GRID2: variants seen among roughly 807,000 people sequenced by gnomAD.
GRID2 encodes glutamate receptor ionotropic, delta-2.
GRID2 carries 33 observed loss-of-function variants against 114.8 expected under a neutral mutation model. The observed-to-expected ratio is 0.29, with a 90% CI of 0.22 to 0.38. The LOEUF (loss-of-function observed/expected upper bound fraction) is 0.38. GRID2 is among the 10% of genes least tolerant of loss of function. The pLI is 1.00. For missense variants in GRID2, 1,184 were observed against 1,257.7 expected (o/e 0.94, Z 0.89); for synonymous variants, 505 against 449.9 (o/e 1.12, Z -1.55).
chr4:93,191,737 G>T (rs1449207692), intron 4 of GRID2, among the ~76,000 whole-genome samples: 4 of 152,024 alleles, frequency 2.6e-5, no homozygotes, highest in Non-Finnish European at 4.4e-5. Flanking sequence ...AGCCCAATCT[G>T]CCCTGCCATA....
intron 3 of GRID2, among the ~76,000 whole-genome samples, chr4:93,092,809 C>T (rs1203142711): frequency 1.3e-5 from 2 of 151,866 alleles, no homozygotes. Flanking sequence ...GACAACAGAT[C>T]AGCAGTCATA....
intron 2 of GRID2, among the ~76,000 whole-genome samples, chr4:92,997,191 A>G (rs1755253963): frequency 6.6e-6 from 1 of 152,184 alleles, no homozygotes; most frequent in Non-Finnish European, 1.5e-5. Context: ...CACTACCACA[A>G]CAAAATCATT....
At chr4:93,535,025 C>G (rs1411318747) in intron 13 of GRID2, among the ~76,000 whole-genome samples, 2 of 151,828 alleles carry the variant, frequency 1.3e-5, no homozygotes, top group African/African-American at 2.4e-5. Flanking sequence ...CATTCCTCAC[C>G]TCCACCCCAG....
chr4:93,316,283 C>CGAAAGAATGAAAGAAA (rs1382874932), intron 8 of GRID2, among the ~76,000 whole-genome samples: 2 of 97,686 alleles, frequency 2.0e-5, no homozygotes, highest in Non-Finnish European at 4.4e-5. Context: ...AAGAAAAGAA[C>CGAAAGAATGAAAGAAA]GAAAGAACGA....
At chr4:92,399,557 G>A (rs1216765229) in intron 1 of GRID2, among the ~76,000 whole-genome samples, 5 of 151,280 alleles carry the variant, frequency 3.3e-5, no homozygotes, top group African/African-American at 1.2e-4. Flanking sequence ...ATTTAGTTTT[G>A]AAGCTTTATA....
At chr4:92,390,051 T>TA (rs1208078901) in intron 1 of GRID2, among the ~76,000 whole-genome samples, 1 of 152,098 alleles carries the variant, frequency 6.6e-6, no homozygotes, top group African/African-American at 2.4e-5. Context: ...AGTCCTCTTT[T>TA]AAAAAAATCT....
intron 1 of GRID2, among the ~76,000 whole-genome samples, chr4:92,469,607 T>C (rs1272001457): frequency 1.3e-5 from 2 of 151,920 alleles, no homozygotes; most frequent in Admixed American, 6.6e-5. Flanking sequence ...AATCCATGGA[T>C]GTGGAATCCA....
chr4:93,002,919 C>T (rs1476538024), intron 2 of GRID2, among the ~76,000 whole-genome samples: 1 of 151,764 alleles, frequency 6.6e-6, no homozygotes, highest in Non-Finnish European at 1.5e-5. Context: ...TCCTTGTTTG[C>T]TGACACCTTT....
At chr4:92,619,766 A>C (rs1385708245) in intron 2 of GRID2, among the ~76,000 whole-genome samples, 2 of 147,956 alleles carry the variant, frequency 1.4e-5, no homozygotes, top group Non-Finnish European at 3.0e-5. Context: ...AATTTGTTGT[A>C]TGTCTTTGTT....
rs996098301 is a variant in GRID2, at chr4:92,941,957, T to A, written c.245-143038T>A. ...GACAGTTTGTTATAATTTCTGTTCT[T>A]TTACATTTGCTGAGGAATGCTTTAC... On this transcript the variant is annotated intron_variant, in intron 2 of 15. Coordinates refer to ENST00000282020, the MANE Select transcript of GRID2 (RefSeq NM_001510.4). Among the ~76,000 whole-genome samples, 3 of 152,318 alleles carry A rather than the reference T, an allele frequency of 2.0e-5. No individual in the cohort carries two copies. The East Asian group carries it at 5.8e-4, about 29-fold the overall frequency.
chr4:93,177,822 G>A (rs574732591), intron 4 of GRID2, among the ~76,000 whole-genome samples: 179 of 151,916 alleles, frequency 1.2e-3, no homozygotes, highest in Non-Finnish European at 2.0e-3. Context: ...TTAACTAGTA[G>A]TTTTAGCAAC....
chr4:92,319,200 A>G (rs949048779), intron 1 of GRID2, among the ~76,000 whole-genome samples: 1 of 152,144 alleles, frequency 6.6e-6, no homozygotes, highest in Non-Finnish European at 1.5e-5. Flanking sequence ...TTTATCTTAT[A>G]TGCATGTTAT....
intron 2 of GRID2, among the ~76,000 whole-genome samples, chr4:92,611,331 C>T (rs775380709): frequency 2.0e-5 from 3 of 151,478 alleles, no homozygotes; most frequent in Admixed American, 1.3e-4. Flanking sequence ...GGGCCACCCT[C>T]TTTATATGTA....
chr4:92,712,143 C>T (rs1226044252), intron 2 of GRID2, among the ~76,000 whole-genome samples: 1 of 152,054 alleles, frequency 6.6e-6, no homozygotes, highest in Non-Finnish European at 1.5e-5. Flanking sequence ...AAGAGTTTCT[C>T]TGAGTAAATT....
chr4:92,742,469 C>G (rs901580181), intron 2 of GRID2, among the ~76,000 whole-genome samples: 3 of 152,056 alleles, frequency 2.0e-5, no homozygotes, highest in South Asian at 2.1e-4. Context: ...TTCCCTTACC[C>G]CCTTGACACA....
At chr4:92,863,954 A>G (rs1456184100) in intron 2 of GRID2, among the ~76,000 whole-genome samples, 1 of 152,176 alleles carries the variant, frequency 6.6e-6, no homozygotes, top group Non-Finnish European at 1.5e-5. Context: ...TAAATAACCC[A>G]TGTTAGATGG....
At chr4:93,800,568 T>C (rs1028251041) in intron 1 of GRID2, among the ~76,000 whole-genome samples, 1 of 152,230 alleles carries the variant, frequency 6.6e-6, no homozygotes, top group Non-Finnish European at 1.5e-5. Flanking sequence ...CCCCATTAAA[T>C]GTCCCAGATA....
chr4:93,362,062 T>C (rs1470330046), intron 8 of GRID2, among the ~76,000 whole-genome samples: 1 of 152,070 alleles, frequency 6.6e-6, no homozygotes. Flanking sequence ...CAGTCAACAG[T>C]CAATCTTGAT....
chr4:92,961,026 G>T, intron 2 of GRID2, among the ~76,000 whole-genome samples: 1 of 151,650 alleles, frequency 6.6e-6, no homozygotes, highest in South Asian at 2.1e-4. Context: ...AGGTAGTGCA[G>T]GTACCTTACA....
Sources: allele counts gnomAD v4.1 joint callset (sites outside exome capture counted in the v4.1 genomes callset), GRCh38; gene constraint gnomAD v4.1.1; transcripts MANE v1.5; gene names NCBI Gene and HGNC (gene_info 2026-07-23, HGNC 2026-07-21).